IRGM: variants seen among roughly 807,000 people sequenced by gnomAD.
The protein encoded by IRGM is immunity-related GTPase family M protein.
For synonymous variants in IRGM, 98 were observed against 80.6 expected (o/e 1.22, Z -1.16); for missense variants, 288 against 219.9 (o/e 1.31, Z -1.96).
intron 1 of IRGM, among the ~76,000 whole-genome samples, chr5:150,857,650 G>A (rs1581641536): frequency 6.6e-6 from 1 of 151,928 alleles, no homozygotes; most frequent in Non-Finnish European, 1.5e-5. Context: ...ATCTCATTGT[G>A]GTTTTGATTT....
intron 1 of IRGM, among the ~76,000 whole-genome samples, chr5:150,871,554 G>T (rs1249643014): frequency 6.6e-6 from 1 of 152,162 alleles, no homozygotes; most frequent in African/African-American, 2.4e-5. Flanking sequence ...TAACAGCCTG[G>T]GTGGGGTTCC....
chr5:150,879,441 C>T (rs1228466414), intron 2 of IRGM: 2 of 152,136 alleles, frequency 1.3e-5, no homozygotes, highest in Non-Finnish European at 2.9e-5. Flanking sequence ...TCATCATTAA[C>T]CTCTTTGAAT....
chr5:150,878,780 GTTATA>G (rs1426806471), intron 2 of IRGM, among the ~76,000 whole-genome samples: 5 of 139,358 alleles, frequency 3.6e-5, no homozygotes, highest in Admixed American at 6.8e-5. Context: ...AATTATTGTT[GTTATA>G]TTATTATTAT....
intron 3 of IRGM, chr5:150,894,614 ATAGAGAG>A (rs1262249182): frequency 2.0e-5 from 3 of 152,302 alleles, no homozygotes; most frequent in African/African-American, 4.8e-5. Flanking sequence ...ATGCTTCAAG[ATAGAGAG>A]TAAAGATTTA....
At position 150,854,281 on chromosome 5, in the gene IRGM, A is replaced by T. The variant is rs577029801; in HGVS notation, c.158+5627A>T. ...ATATGTTGTGTACCTATTAACATGG[A>T]TTTATAATTATTTTTGTGAATTTGC... On this transcript the variant is annotated intron_variant and NMD_transcript_variant, in intron 1 of 3. Coordinates refer to the IRGM transcript ENST00000520549. 2.9e-3 allele frequency among the ~76,000 whole-genome samples: 438 copies of T among 152,190 alleles called. 1 individual carries two copies. Among genetic ancestry groups the T allele is most frequent in the Middle Eastern group, 6.8e-3 (2 of 294 alleles).
chr5:150,850,748 G>A (rs1753962844), downstream of IRGM, among the ~76,000 whole-genome samples: 1 of 152,074 alleles, frequency 6.6e-6, no homozygotes, highest in Admixed American at 6.5e-5. Flanking sequence ...TAGAGACAAG[G>A]TCTCACTATG....
exon 2 of IRGM, chr5:150,878,050 G>C (rs775112659): frequency 6.5e-6 from 3 of 460,678 alleles, no homozygotes; most frequent in South Asian, 1.5e-5. Context: ...GATCCTGAGA[G>C]AAAAGCAAGA....
chr5:150,877,853 T>C, intron 1 of IRGM: 1 of 378,914 alleles, frequency 2.6e-6, no homozygotes, highest in East Asian at 7.5e-5. Context: ...GGTGTTTTAG[T>C]TTCCTAGTTT....
chr5:150,864,737 A>T (rs1012505524), intron 1 of IRGM, among the ~76,000 whole-genome samples: 2 of 152,214 alleles, frequency 1.3e-5, no homozygotes, highest in Non-Finnish European at 2.9e-5. Flanking sequence ...TATTCTGTAC[A>T]TTGGCTTTGA....
intron 3 of IRGM, chr5:150,898,658 G>GA (rs1754886458): frequency 3.0e-6 from 4 of 1,318,924 alleles, no homozygotes; most frequent in South Asian, 1.8e-5. Context: ...TAGTTTTTGG[G>GA]AAAAACAAAA....
Position 150,896,577 on chromosome 5 carries a change from G to C in IRGM, c.*141-4012G>C, listed in dbSNP as rs748302675. 2.5e-6 allele frequency: 4 copies of C among 1,613,664 alleles called. No individual in the cohort carries two copies. The South Asian group carries it at 4.4e-5, about 18-fold the overall frequency. On this transcript the variant is annotated intron_variant and NMD_transcript_variant, in intron 3 of 3. Coordinates refer to the IRGM transcript ENST00000520549. ...AGAATTGGGCTCACTCTGGCTAGAT[G>C]ATTTTCCACCTCCAAAACTCTGATC...
At chr5:150,867,287 T>C (rs996861623) in intron 1 of IRGM, among the ~76,000 whole-genome samples, 1 of 152,220 alleles carries the variant, frequency 6.6e-6, no homozygotes, top group African/African-American at 2.4e-5. Context: ...AATAATGGTC[T>C]CCAACTCCAT....
chr5:150,889,245 TCA>T (rs1411211778), intron 3 of IRGM, among the ~76,000 whole-genome samples: 1 of 152,082 alleles, frequency 6.6e-6, no homozygotes, highest in Non-Finnish European at 1.5e-5. Flanking sequence ...TTTAATGGAC[TCA>T]CAGTTCCACA....
At chr5:150,882,461 G>T (rs1416657524) in intron 3 of IRGM, among the ~76,000 whole-genome samples, 4 of 152,062 alleles carry the variant, frequency 2.6e-5, no homozygotes, top group Admixed American at 6.6e-5. Flanking sequence ...CCAACTGTAT[G>T]CTGCTAAGAG....
intron 3 of IRGM, chr5:150,896,210 A>C: frequency 1.2e-6 from 2 of 1,613,574 alleles, no homozygotes; most frequent in Non-Finnish European, 1.7e-6. Flanking sequence ...GAACTCTCTG[A>C]TGTATAATAA....
In IRGM at chr5:150,848,673, C is replaced by T; in HGVS notation, c.*4C>T. The T allele has an allele frequency of 6.6e-7, 1 of 1,505,910 alleles. No homozygotes were observed. Among genetic ancestry groups the T allele is most frequent in the Non-Finnish European group, 8.9e-7 (1 of 1,119,494 alleles). The allele number at this position is 1,505,910 out of a possible 1,614,324, so 93.3% of individuals were successfully genotyped here. A position where few individuals can be genotyped will look rare whatever the true frequency, so the allele number is the denominator to read the frequency against. Reference sequence around the variant, plus strand: ...GGAGCGGGTATGTGAATACTAATTCCTGTCTTCATTAAACATTTTCCATCT... The same window carrying T: ...GGAGCGGGTATGTGAATACTAATTCTTGTCTTCATTAAACATTTTCCATCT... On this transcript the variant is annotated 3_prime_UTR_variant, in exon 2 of 2. Transcript: ENST00000522154.
At chr5:150,865,433 A>T (rs1581644524) in intron 1 of IRGM, among the ~76,000 whole-genome samples, 1 of 152,356 alleles carries the variant, frequency 6.6e-6, no homozygotes, top group East Asian at 1.9e-4. Flanking sequence ...AAAGATTAGT[A>T]GAGTGAGTTT....
chr5:150,887,495 A>G (rs1200080144), intron 3 of IRGM, among the ~76,000 whole-genome samples: 1 of 151,906 alleles, frequency 6.6e-6, no homozygotes, highest in Non-Finnish European at 1.5e-5. Flanking sequence ...GAGGAAGCAA[A>G]CAACTTGGAA....
rs191198973 is a variant in IRGM, at chr5:150,859,505, C to T, written c.158+10851C>T. Among the ~76,000 whole-genome samples the T allele has an allele frequency of 1.7e-3, 253 of 152,252 alleles. 2 individuals carry two copies. The highest frequency in any genetic ancestry group is 6.8e-3 in the Middle Eastern group (2 of 294). ...TGGAATAGTTTCAGAAGGAATGGTA[C>T]CAGCTCCTCTTTGTACCTCTGGTAG... On this transcript the variant is annotated intron_variant and NMD_transcript_variant, in intron 1 of 3. Transcript: ENST00000520549.
Sources: allele counts gnomAD v4.1 joint callset (sites outside exome capture counted in the v4.1 genomes callset), GRCh38; gene constraint gnomAD v4.1.1; transcripts MANE v1.5; gene names NCBI Gene and HGNC (gene_info 2026-07-23, HGNC 2026-07-21).